The following TRDN variants were observed in gnomAD, a reference collection of about 807,000 sequenced individuals.
TRDN encodes the protein triadin, also known as triadin in skeletal muscle.
A neutral mutation model predicts 149.7 loss-of-function variants in TRDN; 161 were observed. The observed-to-expected ratio is 1.08, with a 90% CI of 0.95 to 1.23. The LOEUF is 1.23. Among genes scored for constraint, TRDN ranks in the 50% most tolerant of loss-of-function variants. The pLI is 0.00. For synonymous variants in TRDN, 294 were observed against 250.5 expected (o/e 1.17, Z -1.64); for missense variants, 896 against 823.5 (o/e 1.09, Z -1.08).
intron 1 of TRDN, among the ~76,000 whole-genome samples, chr6:123,576,270 T>C (rs1782853320): frequency 6.6e-6 from 1 of 152,230 alleles, no homozygotes; most frequent in South Asian, 2.1e-4. Flanking sequence ...AATTCATTAT[T>C]TAACTTAAAA....
At chr6:123,622,303 C>CTCTA (rs1562137251) in intron 1 of TRDN, among the ~76,000 whole-genome samples, 3 of 150,216 alleles carry the variant, frequency 2.0e-5, no homozygotes, top group Middle Eastern at 3.4e-3. Context: ...CTCTCTCTCT[C>CTCTA]TATATATATA....
At chr6:123,340,713 T>C (rs886352984) in intron 21 of TRDN, among the ~76,000 whole-genome samples, 7 of 151,980 alleles carry the variant, frequency 4.6e-5, no homozygotes, top group Non-Finnish European at 1.0e-4. Flanking sequence ...AATACCAACA[T>C]ACCAAACTTT....
chr6:123,548,697 T>C lies in TRDN; in HGVS notation c.233-85A>G, dbSNP rs868494893. Reference sequence around the variant, plus strand: ...AGAAAAGCTGTTTTTACTGATTTGTTGTTTTGACAAAAAGAATATGTCAAT... The same window carrying C: ...AGAAAAGCTGTTTTTACTGATTTGTCGTTTTGACAAAAAGAATATGTCAAT... On this transcript the variant is annotated intron_variant, in intron 2 of 40. Coordinates refer to ENST00000334268, the MANE Select transcript of TRDN (RefSeq NM_006073.4). 1.9e-5 allele frequency: 22 copies of C among 1,142,820 alleles called. No homozygotes were observed. In the Middle Eastern group the frequency reaches 1.0e-3, roughly 53 times the overall value. The allele number at this position is 1,142,820 out of a possible 1,614,324, so 70.8% of individuals were successfully genotyped here. A position where few individuals can be genotyped will look rare whatever the true frequency, so the allele number is the denominator to read the frequency against.
chr6:123,334,705 T>C (rs945994345), intron 22 of TRDN, among the ~76,000 whole-genome samples: 1 of 149,268 alleles, frequency 6.7e-6, no homozygotes, highest in African/African-American at 2.5e-5. Flanking sequence ...TTCTCCTGAT[T>C]TTTTTTTTCT....
At chr6:123,349,497 A>G in intron 21 of TRDN, 2 of 895,278 alleles carry the variant, frequency 2.2e-6, no homozygotes, top group Non-Finnish European at 2.7e-6. Context: ...ATAATTTAAC[A>G]TTTATTGAGG....
chr6:123,434,171 C>T (rs545579467), intron 12 of TRDN: 14 of 152,198 alleles, frequency 9.2e-5, no homozygotes, highest in African/African-American at 3.4e-4. Flanking sequence ...GTTCAAAAAC[C>T]ATCTCTTATT....
chr6:123,527,339 T>G (rs751015463), intron 5 of TRDN, among the ~76,000 whole-genome samples: 6 of 152,164 alleles, frequency 3.9e-5, no homozygotes, highest in Non-Finnish European at 8.8e-5. Flanking sequence ...TTAAAACATC[T>G]GTGGGCAGAG....
At position 123,225,782 on chromosome 6, in the gene TRDN, ACTTGGTCTTTT is replaced by A. The variant is rs570316535; in HGVS notation, c.1976-1662_1976-1652del. On this transcript the variant is annotated intron_variant, in intron 38 of 40. Coordinates refer to ENST00000334268, the MANE Select transcript of TRDN (RefSeq NM_006073.4). ...ACTCTTAAGTTGTATTGTGTAAATC[ACTTGGTCTTTT>A]CTGCATTCAACTTACAAGCACATAT... Among the ~76,000 whole-genome samples the A allele has an allele frequency of 2.9e-3, 447 of 151,854 alleles. 3 individuals carry two copies. Among genetic ancestry groups the A allele is most frequent in the African/African-American group, 0.01 (425 of 41,496 alleles).
chr6:123,378,002 C>A, intron 16 of TRDN, 104 bp from the exon 17 acceptor site: 1 of 710,230 alleles, frequency 1.4e-6, no homozygotes, highest in South Asian at 2.2e-5. Flanking sequence ...GTGCTGATGC[C>A]AGATTGCAGC....
chr6:123,480,592 A>C (rs1202437784), intron 9 of TRDN, among the ~76,000 whole-genome samples: 2 of 152,080 alleles, frequency 1.3e-5, no homozygotes, highest in East Asian at 3.8e-4. Context: ...CAGAGATCCA[A>C]CATGTATTAA....
At chr6:123,456,209 T>C (rs1358442586) in intron 10 of TRDN, among the ~76,000 whole-genome samples, 2 of 152,192 alleles carry the variant, frequency 1.3e-5, no homozygotes, top group Non-Finnish European at 2.9e-5. Flanking sequence ...CCTTTCAATT[T>C]TTTAAATTTG....
intron 26 of TRDN, among the ~76,000 whole-genome samples, chr6:123,277,830 G>A (rs1158081416): frequency 6.6e-6 from 1 of 152,088 alleles, no homozygotes; most frequent in Admixed American, 6.6e-5. Flanking sequence ...CCAGTTTGTG[G>A]AATTTTACTA....
At chr6:123,480,558 G>A (rs914228243) in intron 9 of TRDN, among the ~76,000 whole-genome samples, 6 of 151,982 alleles carry the variant, frequency 3.9e-5, no homozygotes, top group Non-Finnish European at 8.8e-5. Context: ...TAATAGTTTA[G>A]GTTTTATATT....
In TRDN at chr6:123,328,348, C is replaced by T. The variant is rs570778486; in HGVS notation, c.1471+3531G>A. 4.6e-5 allele frequency among the ~76,000 whole-genome samples: 7 copies of T among 152,302 alleles called. No individual in the cohort carries two copies. The East Asian group carries it at 5.8e-4, about 13-fold the overall frequency. On this transcript the variant is annotated intron_variant, in intron 23 of 40. Transcript: ENST00000334268. ...ACCATGTACTGAAGATGGCAGAGGC[C>T]GCCCCAAATGACCACACACCCCCAA...
chr6:123,268,389 T>C (rs1234190461), intron 31 of TRDN, among the ~76,000 whole-genome samples: 1 of 152,078 alleles, frequency 6.6e-6, no homozygotes, highest in East Asian at 1.9e-4. Flanking sequence ...CTCTTAGTTC[T>C]CTGAAAAATA....
intron 12 of TRDN, among the ~76,000 whole-genome samples, chr6:123,420,737 T>A (rs949130551): frequency 1.3e-5 from 2 of 152,240 alleles, no homozygotes; most frequent in Non-Finnish European, 1.5e-5. Flanking sequence ...ACTGGCATTA[T>A]ACTAGGTGCT....
At chr6:123,433,571 C>T (rs1231938733) in intron 12 of TRDN, among the ~76,000 whole-genome samples, 1 of 151,610 alleles carries the variant, frequency 6.6e-6, no homozygotes, top group Non-Finnish European at 1.5e-5. Flanking sequence ...TTTCTAGTAG[C>T]TTATTTCAGA....
intron 29 of TRDN, among the ~76,000 whole-genome samples, chr6:123,272,413 G>T (rs1777234777): frequency 6.6e-6 from 1 of 151,342 alleles, no homozygotes; most frequent in Non-Finnish European, 1.5e-5. Flanking sequence ...TCATAACCTT[G>T]TTTTGATAAA....
In TRDN at chr6:123,336,300, G is replaced by C. The variant is rs567109940; in HGVS notation, c.1420+1319C>G. ...CCTATTACCCACAGTGTGACACTGAGTAACTTATATTGCTAGACCTCACAT... is the reference window on the plus strand; with the variant it reads ...CCTATTACCCACAGTGTGACACTGACTAACTTATATTGCTAGACCTCACAT... On this transcript the variant is annotated intron_variant, in intron 22 of 40. Coordinates refer to ENST00000334268, the MANE Select transcript of TRDN (RefSeq NM_006073.4). Among the ~76,000 whole-genome samples the C allele has an allele frequency of 6.6e-5, 10 of 152,164 alleles. No homozygotes were observed. The East Asian group carries it at 1.9e-3, about 29-fold the overall frequency.
Sources: allele counts gnomAD v4.1 joint callset (sites outside exome capture counted in the v4.1 genomes callset), GRCh38; gene constraint gnomAD v4.1.1; transcripts MANE v1.5; gene names NCBI Gene and HGNC (gene_info 2026-07-23, HGNC 2026-07-21).